TXNDC15: variants seen among roughly 807,000 people sequenced by gnomAD.
The protein encoded by TXNDC15 is thioredoxin domain containing 15.
In TXNDC15, 24 loss-of-function variants were observed where a neutral mutation model predicts 35.0. The ratio of observed to expected loss-of-function variants is 0.68; its 90% CI spans 0.50 to 0.96. The LOEUF is 0.96. TXNDC15 is among the 40% of genes least tolerant of loss of function. The pLI, the probability that TXNDC15 is intolerant of heterozygous loss-of-function variation, is 0.00. For missense variants in TXNDC15, 385 were observed against 453.3 expected (o/e 0.85, Z 1.37); for synonymous variants, 169 against 174.0 (o/e 0.97, Z 0.23).
At position 134,887,939 on chromosome 5, in the gene TXNDC15, T is replaced by TA. The variant is rs1467743189; in HGVS notation, c.348_349insA (p.Gly117ArgfsTer26). ...AGCCTAGCGGCGTCACCTGTGGTGC[T>TA]GGAGGAGCGGAGGACTCAAGGTGCA... On this transcript the variant is annotated frameshift_variant, in exon 2 of 5. Coordinates refer to ENST00000358387, the MANE Select transcript of TXNDC15 (RefSeq NM_024715.4). LOFTEE classifies it high-confidence loss of function. 6.2e-7 allele frequency: 1 copy of TA among 1,614,112 alleles called. No individual in the cohort carries two copies.
At chr5:134,879,236 A>G (rs1561896342) in intron 1 of TXNDC15, among the ~76,000 whole-genome samples, 1 of 152,226 alleles carries the variant, frequency 6.6e-6, no homozygotes, top group Non-Finnish European at 1.5e-5. Flanking sequence ...TTAAAATACC[A>G]GCTCCATGCA....
At chr5:134,891,027 ACTT>A (rs1750380014) in intron 2 of TXNDC15, among the ~76,000 whole-genome samples, 1 of 152,188 alleles carries the variant, frequency 6.6e-6, no homozygotes, top group African/African-American at 2.4e-5. Flanking sequence ...TTCAGACTCC[ACTT>A]CTAATCCTAG....
At position 134,899,932 on chromosome 5, in the gene TXNDC15, C is replaced by A; in HGVS notation, c.*247C>A. 2.6e-6 allele frequency: 1 copy of A among 380,758 alleles called. No homozygotes were observed. 23.6% of individuals were successfully genotyped at this position (380,758 alleles called of 1,614,324 possible). A position where few individuals can be genotyped will look rare whatever the true frequency, so the allele number is the denominator to read the frequency against. On this transcript the variant is annotated 3_prime_UTR_variant, in exon 5 of 5. Coordinates refer to ENST00000358387, the MANE Select transcript of TXNDC15 (RefSeq NM_024715.4). ...TTGTTTTTACTGCATGAACGTAATC[C>A]AGTATTTGGAAAGTAATCCAGTTTG...
chr5:134,875,637 G>T (rs1202126116), intron 1 of TXNDC15, among the ~76,000 whole-genome samples: 1 of 151,640 alleles, frequency 6.6e-6, no homozygotes, highest in Non-Finnish European at 1.5e-5. Flanking sequence ...TGGGATTACA[G>T]ATGTGAGCCA....
chr5:134,896,562 A>G (rs1015391223), intron 4 of TXNDC15, 138 bp downstream of exon 4: 13 of 1,036,814 alleles, frequency 1.3e-5, no homozygotes, highest in Non-Finnish European at 1.8e-5. Context: ...CTTCTAATGA[A>G]CTGTTATGAT....
At chr5:134,880,798 T>C (rs570268847) in intron 1 of TXNDC15, among the ~76,000 whole-genome samples, 28 of 152,104 alleles carry the variant, frequency 1.8e-4, no homozygotes, top group Non-Finnish European at 3.4e-4. Context: ...TTGCTTTGTT[T>C]CCAGTGAGAA....
chr5:134,875,997 A>G (rs1024404310), intron 1 of TXNDC15, among the ~76,000 whole-genome samples: 1 of 152,186 alleles, frequency 6.6e-6, no homozygotes, highest in African/African-American at 2.4e-5. Flanking sequence ...CATATGCAGT[A>G]GATGTTATCA....
chr5:134,882,179 CA>C, intron 1 of TXNDC15, among the ~76,000 whole-genome samples: 1 of 150,234 alleles, frequency 6.7e-6, no homozygotes, highest in South Asian at 2.1e-4. Flanking sequence ...GGTGGCCGGG[CA>C]GAGACGCTCC....
chr5:134,873,989 T>C (rs376143596), upstream of TXNDC15: 26 of 157,610 alleles, frequency 1.6e-4, no homozygotes, highest in South Asian at 4.4e-3. Context: ...ATTAGAAGAT[T>C]TGCAGCCTCC....
In TXNDC15 at chr5:134,901,529, C is replaced by A. The variant is rs934911963; in HGVS notation, c.*1844C>A. On this transcript the variant is annotated 3_prime_UTR_variant, in exon 5 of 5. Transcript: ENST00000358387. ...AAGGAAAACTCTAGTGAGTCCACCT[C>A]TTATATTGAGTTATTACTGTGTGAG... is the stretch of plus-strand genomic sequence containing the variant. The A allele has an allele frequency of 2.6e-5, 4 of 152,180 alleles. No homozygotes were observed. Among genetic ancestry groups the A allele is most frequent in the African/African-American group, 4.8e-5 (2 of 41,426 alleles). 9.4% of individuals were successfully genotyped at this position (152,180 alleles called of 1,614,324 possible).
rs142648148 is a variant in TXNDC15 at position 134,894,327 on chromosome 5, T to G, written c.755+672T>G. Among the ~76,000 whole-genome samples, 602 of 152,050 alleles carry G rather than the reference T, an allele frequency of 4.0e-3. 9 individuals are homozygous for G. Among genetic ancestry groups the G allele is most frequent in the Admixed American group, 0.011 (175 of 15,264 alleles). On this transcript the variant is annotated intron_variant, in intron 3 of 4. Coordinates refer to ENST00000358387, the MANE Select transcript of TXNDC15 (RefSeq NM_024715.4). ...GACTTAACCTCCTGAGTAGCAGGAC[T>G]ACAGGCATGCGCCACCATGCCAGGC...
intron 1 of TXNDC15, among the ~76,000 whole-genome samples, chr5:134,886,853 A>G (rs1017803840): frequency 2.0e-5 from 3 of 152,172 alleles, no homozygotes; most frequent in Non-Finnish European, 2.9e-5. Context: ...CTATCTGTGT[A>G]CCATCGGACA....
intron 4 of TXNDC15, among the ~76,000 whole-genome samples, chr5:134,898,072 C>T (rs1750530051): frequency 6.6e-6 from 1 of 151,992 alleles, no homozygotes; most frequent in Non-Finnish European, 1.5e-5. Context: ...CACCACTGCT[C>T]CTGCCTTCCC....
At chr5:134,892,738 C>G (rs1388693394) in intron 2 of TXNDC15, 1 of 152,128 alleles carries the variant, frequency 6.6e-6, no homozygotes, top group Non-Finnish European at 1.5e-5. Context: ...TACAACTCTT[C>G]CTTTCACTTA....
At chr5:134,884,786 C>T (rs1320001050) in intron 1 of TXNDC15, among the ~76,000 whole-genome samples, 1 of 152,104 alleles carries the variant, frequency 6.6e-6, no homozygotes. Flanking sequence ...AGTTCTGGGT[C>T]AGTGTGGCTT....
chr5:134,898,197 A>C (rs1455475415), intron 4 of TXNDC15, among the ~76,000 whole-genome samples: 1 of 152,144 alleles, frequency 6.6e-6, no homozygotes, highest in Non-Finnish European at 1.5e-5. Context: ...TGTTTTTTTC[A>C]TCCAACAGTA....
At chr5:134,897,892 G>T (rs145381030) in intron 4 of TXNDC15, among the ~76,000 whole-genome samples, 16 of 152,014 alleles carry the variant, frequency 1.1e-4, no homozygotes, top group Non-Finnish European at 2.4e-4. Context: ...GCTTGTAGTC[G>T]CAGCTACTCG....
In TXNDC15 at chr5:134,891,445, G is replaced by A. The variant is rs374246146; in HGVS notation, c.592-2047G>A. 7.9e-5 allele frequency among the ~76,000 whole-genome samples: 12 copies of A among 152,282 alleles called. No individual in the cohort carries two copies. In the East Asian group the frequency reaches 2.1e-3, roughly 27 times the overall value. ...GGTTGACCAGGTGCATTGTCAACGA[G>A]TATAATATTTTGAAAGGAATCTTTT... On this transcript the variant is annotated intron_variant, in intron 2 of 4. Coordinates refer to ENST00000358387, the MANE Select transcript of TXNDC15 (RefSeq NM_024715.4).
At chr5:134,897,445 C>T (rs141663659) in intron 4 of TXNDC15, among the ~76,000 whole-genome samples, 351 of 152,142 alleles carry the variant, frequency 2.3e-3, no homozygotes, top group African/African-American at 8.0e-3. Context: ...GACAGGGTTT[C>T]GCCCTGTTGG....
Sources: allele counts gnomAD v4.1 joint callset (sites outside exome capture counted in the v4.1 genomes callset), GRCh38; gene constraint gnomAD v4.1.1; transcripts MANE v1.5; gene names NCBI Gene and HGNC (gene_info 2026-07-23, HGNC 2026-07-21).